The following INTU variants were observed in gnomAD, a reference collection of about 807,000 sequenced individuals.
INTU encodes the protein protein inturned.
A neutral mutation model predicts 100.5 loss-of-function variants in INTU; 68 were observed. That is an observed-to-expected ratio of 0.68 (90% CI 0.56 to 0.83). The LOEUF is 0.83. Among genes scored for constraint, INTU ranks in the 40% least tolerant of loss-of-function variants. INTU has a pLI of 0.00. For synonymous variants in INTU, 357 were observed against 395.7 expected, an observed-to-expected ratio of 0.90 and a Z score of 1.16; for missense variants, 1,071 against 1,114.7, an observed-to-expected ratio of 0.96 and a Z score of 0.56.
At chr4:127,688,004 G>C in intron 8 of INTU, 137 bp downstream of exon 8, 1 of 533,136 alleles carries the variant, frequency 1.9e-6, no homozygotes, top group Admixed American at 3.7e-5. Context: ...TGACAAAGTA[G>C]GAGGTCCAGT....
chr4:127,726,358 T>C lies in INTU; in HGVS notation c.*9922T>C, dbSNP rs1731416087. The C allele has an allele frequency of 6.6e-6, 1 of 152,240 alleles. No individual in the cohort carries two copies. The highest frequency in any genetic ancestry group is 1.5e-5 in the Non-Finnish European group (1 of 68,036). The allele number at this position is 152,240 out of a possible 1,614,324, so 9.4% of individuals were successfully genotyped here. On this transcript the variant is annotated 3_prime_UTR_variant, in exon 16 of 16. Coordinates refer to ENST00000335251, the MANE Select transcript of INTU (RefSeq NM_015693.4). ...CTAGGTTTTTCTGCTTTGGACATAA[T>C]TGTATGTGTTAATTCTCTCTAAACA...
Position 127,721,088 on chromosome 4 carries a change from GTT to G in INTU, c.*4657_*4658del, listed in dbSNP as rs928838413. 6.6e-6 allele frequency: 1 copy of G among 151,920 alleles called. No individual in the cohort carries two copies. Among genetic ancestry groups the G allele is most frequent in the African/African-American group, 2.4e-5 (1 of 41,232 alleles). The allele number at this position is 151,920 out of a possible 1,614,324, so 9.4% of individuals were successfully genotyped here. ...GTTACTGATCTGTGTATTTCAATGTGTTTTTTGTAGCGGCTGGTAACAGTTTT... is the reference window on the plus strand; with the variant it reads ...GTTACTGATCTGTGTATTTCAATGTGTTTTGTAGCGGCTGGTAACAGTTTT... On this transcript the variant is annotated 3_prime_UTR_variant, in exon 16 of 16. Coordinates refer to ENST00000335251, the MANE Select transcript of INTU (RefSeq NM_015693.4).
In INTU at chr4:127,654,161, C is replaced by G. The variant is rs867899173; in HGVS notation, c.683-2475C>G. Reference sequence around the variant, plus strand: ...TCCTGAATACAGCACACTGATGGGTCTTGACTCTTTATCCAATTTGCCAGT... The same window carrying G: ...TCCTGAATACAGCACACTGATGGGTGTTGACTCTTTATCCAATTTGCCAGT... On this transcript the variant is annotated intron_variant, in intron 2 of 15. Coordinates refer to ENST00000335251, the MANE Select transcript of INTU (RefSeq NM_015693.4). Among the ~76,000 whole-genome samples the G allele has an allele frequency of 6.6e-3, 1,003 of 151,326 alleles. 13 individuals are homozygous for G. The highest frequency in any genetic ancestry group is 0.024 in the Middle Eastern group (7 of 294).
chr4:127,643,636 G>A lies in INTU; in HGVS notation c.262G>A (p.Val88Ile), dbSNP rs1312864172. 6.2e-7 allele frequency: 1 copy of A among 1,613,356 alleles called. No homozygotes were observed. The highest frequency in any genetic ancestry group is 1.7e-5 in the Admixed American group (1 of 59,888). ...TCCTGAGACACCAACTGTGAACCAT[G>A]TCAGGTTCAGTGAAAATGAGATTAT... is the stretch of plus-strand genomic sequence containing the variant. ...LLPETPTVNH[V>I]RFSENEIIIE... The change falls in exon 2 of 16, where the codon GTC (valine) becomes ATC (isoleucine). Residue 88 changes from valine (V) to isoleucine (I), a missense_variant. Transcript: ENST00000335251.
At position 127,676,276 on chromosome 4, in the gene INTU, G is replaced by A. The variant is rs929569571; in HGVS notation, c.1181+2063G>A. Among the ~76,000 whole-genome samples, 10 of 151,944 alleles carry A rather than the reference G, an allele frequency of 6.6e-5. No homozygotes were observed. In the East Asian group the frequency reaches 7.7e-4, roughly 12 times the overall value. Reference sequence around the variant, plus strand: ...CCTTTGGGTTTGGATTATGAAGAACGAAGGAGTTGTTTAGAAAGTATGGCT... The same window carrying A: ...CCTTTGGGTTTGGATTATGAAGAACAAAGGAGTTGTTTAGAAAGTATGGCT... On this transcript the variant is annotated intron_variant, in intron 6 of 15. Coordinates refer to ENST00000335251, the MANE Select transcript of INTU (RefSeq NM_015693.4).
chr4:127,652,212 T>C (rs1391525116), intron 2 of INTU, among the ~76,000 whole-genome samples: 20 of 129,910 alleles, frequency 1.5e-4, no homozygotes, highest in Admixed American at 2.4e-4. Flanking sequence ...ACCCTTTATT[T>C]CCTTCTCCTG....
intron 11 of INTU, 55 bp from the exon 12 acceptor site, chr4:127,706,432 T>C: frequency 6.9e-7 from 1 of 1,445,418 alleles, no homozygotes; most frequent in Non-Finnish European, 9.4e-7. Context: ...ATGCACATTT[T>C]ATGTAAATAT....
At chr4:127,651,298 C>T (rs1489283730) in intron 2 of INTU, among the ~76,000 whole-genome samples, 2 of 152,134 alleles carry the variant, frequency 1.3e-5, no homozygotes, top group Non-Finnish European at 2.9e-5. Context: ...TTACCCGTGC[C>T]TATGTCTTGA....
At chr4:127,675,404 A>G (rs566399976) in intron 6 of INTU, among the ~76,000 whole-genome samples, 14 of 152,212 alleles carry the variant, frequency 9.2e-5, no homozygotes, top group Non-Finnish European at 1.9e-4. Context: ...ACTATTTTTT[A>G]TTACTAATGA....
rs1731375873 is a variant in INTU, at chr4:127,723,438, A to T, written c.*7002A>T. ...CATGTTGGTCACCTCCTAAATTAGT[A>T]ATGTCCAAGTACTTATTCCTTATCA... On this transcript the variant is annotated 3_prime_UTR_variant, in exon 16 of 16. Transcript: ENST00000335251. 7.2e-6 allele frequency: 1 copy of T among 139,764 alleles called. No individual in the cohort carries two copies. The allele number at this position is 139,764 out of a possible 1,614,324, so 8.7% of individuals were successfully genotyped here.
intron 2 of INTU, among the ~76,000 whole-genome samples, chr4:127,648,834 T>C (rs1488993287): frequency 6.6e-6 from 1 of 152,108 alleles, no homozygotes; most frequent in Non-Finnish European, 1.5e-5. Context: ...TTTTTTTTTT[T>C]CCAAGTGGAC....
chr4:127,684,363 C>T, intron 6 of INTU, 46 bp from the exon 7 acceptor site: 1 of 1,010,716 alleles, frequency 9.9e-7, no homozygotes, highest in Non-Finnish European at 1.5e-6. Flanking sequence ...AGATAAATGT[C>T]ATTTGATTAT....
chr4:127,669,689 C>A (rs1728838404), intron 5 of INTU, among the ~76,000 whole-genome samples: 1 of 151,808 alleles, frequency 6.6e-6, no homozygotes, highest in Non-Finnish European at 1.5e-5. Context: ...GAGGGCTATT[C>A]ATAATCTGTG....
intron 2 of INTU, among the ~76,000 whole-genome samples, chr4:127,645,727 A>T (rs1258747599): frequency 6.6e-6 from 1 of 151,414 alleles, no homozygotes; most frequent in Non-Finnish European, 1.5e-5. Context: ...TGCCTGACTA[A>T]TTTTTTTGTA....
Position 127,640,580 on chromosome 4 carries a change from TATATATATATACATATAC to T in INTU, c.147-2937_147-2920del, listed in dbSNP as rs1247418039. Among the ~76,000 whole-genome samples, 75 of 47,292 alleles carry T rather than the reference TATATATATATACATATAC, an allele frequency of 1.6e-3. 1 individual carries two copies. The highest frequency in any genetic ancestry group is 5.0e-3 in the African/African-American group (68 of 13,712). The allele number at this position is 47,292 out of a possible 152,430, so 31.0% of individuals were successfully genotyped here. ...ATATATATATATATATATATATATA[TATATATATATACATATAC>T]ATAAACACACATGTGTATATTGATG... is the stretch of plus-strand genomic sequence containing the variant. On this transcript the variant is annotated intron_variant, in intron 1 of 15. Coordinates refer to ENST00000335251, the MANE Select transcript of INTU (RefSeq NM_015693.4).
chr4:127,708,728 C>A (rs1208281189), intron 13 of INTU, 60 bp downstream of exon 13: 7 of 798,412 alleles, frequency 8.8e-6, no homozygotes, highest in Middle Eastern at 3.2e-4. Context: ...TGAGAAAGTA[C>A]AATTTTATAA....
chr4:127,667,888 G>A (rs1042954836), intron 4 of INTU, among the ~76,000 whole-genome samples: 1 of 151,982 alleles, frequency 6.6e-6, no homozygotes, highest in African/African-American at 2.4e-5. Context: ...ATTTATATTT[G>A]TCATAATGTA....
rs1731424066 is a variant in INTU, at chr4:127,726,694, A to G, written c.*10258A>G. ...ATGTAATTAAAGCTACTTTTATACT[A>G]TATTGATAGTTTTAAATAAAACTGG... On this transcript the variant is annotated 3_prime_UTR_variant, in exon 16 of 16. Transcript: ENST00000335251. The G allele has an allele frequency of 6.6e-6, 1 of 152,196 alleles. No homozygotes were observed. Among genetic ancestry groups the G allele is most frequent in the Admixed American group, 6.5e-5 (1 of 15,278 alleles). The allele number at this position is 152,196 out of a possible 1,614,324, so 9.4% of individuals were successfully genotyped here.
chr4:127,712,103 G>C (rs1731116824), intron 14 of INTU, among the ~76,000 whole-genome samples: 1 of 152,122 alleles, frequency 6.6e-6, no homozygotes, highest in South Asian at 2.1e-4. Flanking sequence ...CATGTGTTAG[G>C]GATGCCAAAT....
Sources: allele counts gnomAD v4.1 joint callset (sites outside exome capture counted in the v4.1 genomes callset), GRCh38; gene constraint gnomAD v4.1.1; transcripts MANE v1.5; gene names NCBI Gene and HGNC (gene_info 2026-07-23, HGNC 2026-07-21).